The following MARCHF1 variants were observed in gnomAD, a reference collection of about 807,000 sequenced individuals.
The protein encoded by MARCHF1 is E3 ubiquitin-protein ligase MARCHF1.
In MARCHF1, 40 loss-of-function variants were observed where a neutral mutation model predicts 54.2. The ratio of observed to expected loss-of-function variants is 0.74; its 90% CI spans 0.57 to 0.96. The LOEUF (loss-of-function observed/expected upper bound fraction) is 0.96, where lower values mean the gene tolerates loss of function less well. Ranked by LOEUF, MARCHF1 falls within the 40% of genes least tolerant of loss-of-function variation. The probability of loss-of-function intolerance (pLI) is 0.00; values close to 1 mark genes in which losing one functional copy is unlikely to be tolerated. For synonymous variants in MARCHF1, 236 were observed against 236.3 expected, an observed-to-expected ratio of 1.00 and a Z score of 0.01; for missense variants, 586 against 656.5, an observed-to-expected ratio of 0.89 and a Z score of 1.17.
At chr4:163,649,600 A>C (rs1381626844) in intron 5 of MARCHF1, among the ~76,000 whole-genome samples, 1 of 152,020 alleles carries the variant, frequency 6.6e-6, no homozygotes, top group East Asian at 1.9e-4. Context: ...GAAGTACTTC[A>C]TCACTTCTTA....
intron 3 of MARCHF1, among the ~76,000 whole-genome samples, chr4:163,888,483 T>C (rs1750587094): frequency 6.6e-6 from 1 of 152,226 alleles, no homozygotes; most frequent in African/African-American, 2.4e-5. Context: ...TTGAGTTCCA[T>C]ATTCCCAAAT....
intron 4 of MARCHF1, among the ~76,000 whole-genome samples, chr4:163,821,820 C>A (rs1579314081): frequency 6.7e-6 from 1 of 149,478 alleles, no homozygotes; most frequent in African/African-American, 2.5e-5. Context: ...AAAGAGAGCT[C>A]AGAGAAAACA....
At chr4:164,287,668 A>T (rs984866239) in intron 1 of MARCHF1, among the ~76,000 whole-genome samples, 1 of 152,188 alleles carries the variant, frequency 6.6e-6, no homozygotes, top group Admixed American at 6.5e-5. Flanking sequence ...CTGTTTCATC[A>T]TTGTGGTAGA....
At chr4:163,665,383 AAG>A (rs1743496688) in intron 5 of MARCHF1, among the ~76,000 whole-genome samples, 1 of 152,132 alleles carries the variant, frequency 6.6e-6, no homozygotes, top group Non-Finnish European at 1.5e-5. Context: ...TATGGCCTAC[AAG>A]TTCAGATGTT....
At chr4:164,327,889 G>A (rs1244329716) in intron 1 of MARCHF1, among the ~76,000 whole-genome samples, 1 of 152,214 alleles carries the variant, frequency 6.6e-6, no homozygotes, top group Non-Finnish European at 1.5e-5. Flanking sequence ...AGATTGGCAG[G>A]AAAGTCCAGC....
intron 2 of MARCHF1, among the ~76,000 whole-genome samples, chr4:164,028,133 T>C (rs1031047933): frequency 2.0e-5 from 3 of 152,208 alleles, no homozygotes; most frequent in Non-Finnish European, 4.4e-5. Flanking sequence ...GGAATGTCCA[T>C]TAATTCAGCC....
In MARCHF1 at chr4:163,747,096, C is replaced by T. The variant is rs552801162; in HGVS notation, c.112-46233G>A. On this transcript the variant is annotated intron_variant, in intron 4 of 9. Coordinates refer to ENST00000514618, the MANE Select transcript of MARCHF1 (RefSeq NM_001394959.1). ...TAGGAGAGAAATGTATAATCTGCAA[C>T]GTTAAGGGGCTGCACTGTCAGTGTC... is the stretch of plus-strand genomic sequence containing the variant. 1.1e-4 allele frequency among the ~76,000 whole-genome samples: 17 copies of T among 152,234 alleles called. 1 individual carries two copies. The highest frequency in any genetic ancestry group is 3.6e-4 in the African/African-American group (15 of 41,544).
intron 2 of MARCHF1, among the ~76,000 whole-genome samples, chr4:164,092,992 CAAGTA>C (rs1755336494): frequency 6.6e-6 from 1 of 152,086 alleles, no homozygotes; most frequent in Non-Finnish European, 1.5e-5. Context: ...TTACACTCCA[CAAGTA>C]AAGAACCTTG....
chr4:164,232,879 G>A (rs79423575), intron 1 of MARCHF1, among the ~76,000 whole-genome samples: 3,174 of 152,110 alleles, frequency 0.021, 97 homozygotes, highest in East Asian at 0.12. Context: ...CTATAGACAC[G>A]TGCTGTATTT....
At chr4:164,262,443 T>A (rs1298023428) in intron 1 of MARCHF1, among the ~76,000 whole-genome samples, 1 of 152,208 alleles carries the variant, frequency 6.6e-6, no homozygotes, top group Admixed American at 6.5e-5. Context: ...AGTCTCCTTT[T>A]ATTTTGATGA....
intron 2 of MARCHF1, among the ~76,000 whole-genome samples, chr4:164,108,666 T>TA (rs546638463): frequency 4.6e-5 from 7 of 151,908 alleles, no homozygotes; most frequent in African/African-American, 9.7e-5. Flanking sequence ...TTTCTTAAAT[T>TA]AAAAAAAACT....
chr4:163,772,869 T>C (rs1045288572), intron 4 of MARCHF1, among the ~76,000 whole-genome samples: 2 of 152,096 alleles, frequency 1.3e-5, no homozygotes, highest in East Asian at 1.9e-4. Context: ...CTGCTGCACA[T>C]TGCCACTGAA....
At position 163,527,138 on chromosome 4, in the gene MARCHF1, T is replaced by G. The variant is rs775604414; in HGVS notation, c.*1610A>C. 3 of 152,062 alleles carry G rather than the reference T, an allele frequency of 2.0e-5. No homozygotes were observed. The highest frequency in any genetic ancestry group is 2.9e-5 in the Non-Finnish European group (2 of 67,956). 9.4% of individuals were successfully genotyped at this position (152,062 alleles called of 1,614,324 possible). On this transcript the variant is annotated 3_prime_UTR_variant, in exon 10 of 10. Coordinates refer to ENST00000514618, the MANE Select transcript of MARCHF1 (RefSeq NM_001394959.1). ...AACAAAAATAAGTCACCTTTTTTAATGTAGGACATCTTTCTTTGACAGGCT... is the reference window on the plus strand; with the variant it reads ...AACAAAAATAAGTCACCTTTTTTAAGGTAGGACATCTTTCTTTGACAGGCT...
At chr4:164,129,249 C>T (rs1404606405) in intron 1 of MARCHF1, among the ~76,000 whole-genome samples, 1 of 152,102 alleles carries the variant, frequency 6.6e-6, no homozygotes, top group African/African-American at 2.4e-5. Flanking sequence ...TTCATCACCT[C>T]AAATGCGATT....
At chr4:163,758,866 G>A (rs1746752323) in intron 4 of MARCHF1, among the ~76,000 whole-genome samples, 1 of 151,956 alleles carries the variant, frequency 6.6e-6, no homozygotes, top group African/African-American at 2.4e-5. Flanking sequence ...CTCAATAACT[G>A]ATAATATAAA....
intron 3 of MARCHF1, among the ~76,000 whole-genome samples, chr4:163,873,739 C>T (rs1055218478): frequency 2.0e-5 from 3 of 152,198 alleles, no homozygotes; most frequent in Admixed American, 2.0e-4. Context: ...TGTTCTTGGA[C>T]TGTTCTGAGG....
chr4:164,147,538 T>C (rs1195369415), intron 1 of MARCHF1, among the ~76,000 whole-genome samples: 1 of 129,320 alleles, frequency 7.7e-6, no homozygotes, highest in Non-Finnish European at 1.6e-5. Context: ...ATGGATGAAA[T>C]TGGAAATCAT....
At chr4:164,038,317 T>C (rs749365133) in intron 2 of MARCHF1, among the ~76,000 whole-genome samples, 27 of 151,744 alleles carry the variant, frequency 1.8e-4, no homozygotes, top group Non-Finnish European at 3.5e-4. Context: ...CACGGTGAAA[T>C]CCTGTCTCTA....
intron 1 of MARCHF1, among the ~76,000 whole-genome samples, chr4:164,351,761 G>C (rs1349539288): frequency 6.6e-6 from 1 of 152,150 alleles, no homozygotes; most frequent in African/African-American, 2.4e-5. Flanking sequence ...GCTGGATGGA[G>C]AATGACTTTG....
Sources: gnomAD v4.1 joint callset for allele counts (sites outside exome capture counted in the v4.1 genomes callset) on GRCh38, gnomAD v4.1.1 for gene constraint, MANE v1.5 for transcripts, NCBI Gene and HGNC (gene_info 2026-07-23, HGNC 2026-07-21) for gene names.